Variants in USP34 observed in about 807,000 individuals in gnomAD.
USP34 encodes the protein ubiquitin specific peptidase 34, also known as ubiquitin carboxyl-terminal hydrolase 34.
Under a neutral mutation model 460.3 loss-of-function variants are expected in USP34, and 70 were observed. The ratio of observed to expected loss-of-function variants is 0.15; its 90% CI spans 0.13 to 0.19. USP34 has a LOEUF of 0.19. Among genes scored for constraint, USP34 ranks in the 10% least tolerant of loss-of-function variants. USP34 has a pLI of 1.00. For synonymous variants in USP34, 1,647 were observed against 1,405.3 expected (o/e 1.17, Z -3.85); for missense variants, 3,985 against 4,236.2 (o/e 0.94, Z 1.65).
intron 10 of USP34, among the ~76,000 whole-genome samples, chr2:61,365,875 A>C (rs912809539): frequency 3.9e-5 from 6 of 152,210 alleles, no homozygotes; most frequent in Non-Finnish European, 7.3e-5. Flanking sequence ...CAAATCCACA[A>C]AGAAAATTAA....
At chr2:61,262,114 A>G (rs375432032) in intron 43 of USP34, among the ~76,000 whole-genome samples, 1 of 61,968 alleles carries the variant, frequency 1.6e-5, no homozygotes, top group African/African-American at 7.2e-5. Flanking sequence ...AAAAAAAAAA[A>G]AAATATATAT....
In USP34 at chr2:61,397,645, A is replaced by G. The variant is rs532718262; in HGVS notation, c.553-2412T>C. ...GCTGTGTGCAATGGCTCACGCCTGT[A>G]ATCCCAGCACTTTCAGAGGCCGAGG... On this transcript the variant is annotated intron_variant, in intron 3 of 79. Transcript: ENST00000398571. Among the ~76,000 whole-genome samples the G allele has an allele frequency of 2.7e-3, 405 of 152,330 alleles. 1 individual carries two copies. The highest frequency in any genetic ancestry group is 4.3e-3 in the Non-Finnish European group (292 of 68,036).
intron 67 of USP34, 152 bp from the exon 68 acceptor site, chr2:61,214,846 T>C (rs1490159173): frequency 1.1e-6 from 1 of 915,194 alleles, no homozygotes; most frequent in Non-Finnish European, 1.6e-6. Context: ...TGCTTTCCCC[T>C]TGGCCCCACA....
Position 61,470,850 on chromosome 2 carries a change from A to T in USP34, c.-158T>A. 4.5e-6 allele frequency: 1 copy of T among 222,082 alleles called. No homozygotes were observed. Among genetic ancestry groups the T allele is most frequent in the Non-Finnish European group, 9.1e-6 (1 of 109,642 alleles). 13.8% of individuals were successfully genotyped at this position (222,082 alleles called of 1,614,324 possible). A position where few individuals can be genotyped will look rare whatever the true frequency, so the allele number is the denominator to read the frequency against. On this transcript the variant is annotated 5_prime_UTR_variant, in exon 1 of 80. Coordinates refer to ENST00000398571, the MANE Select transcript of USP34 (RefSeq NM_014709.4). The stretch of plus-strand genomic sequence containing the variant: ...CGGCGGGGACGGGGCGGGGAGCAAG[A>T]GAATGGGGGAGGGGGCCGGCGGTCC...
chr2:61,363,030 T>A (rs917767304), intron 10 of USP34, among the ~76,000 whole-genome samples: 2 of 151,672 alleles, frequency 1.3e-5, no homozygotes, highest in East Asian at 3.9e-4. Flanking sequence ...CAAAACCCAA[T>A]CAAAAATGGG....
chr2:61,442,362 G>A (rs1002249997), intron 1 of USP34, among the ~76,000 whole-genome samples: 1 of 148,676 alleles, frequency 6.7e-6, no homozygotes, highest in African/African-American at 2.5e-5. Flanking sequence ...TCATCTGAGG[G>A]GATTAACATC....
At chr2:61,395,918 T>C (rs1158018886) in intron 3 of USP34, among the ~76,000 whole-genome samples, 1 of 150,780 alleles carries the variant, frequency 6.6e-6, no homozygotes, top group African/African-American at 2.4e-5. Flanking sequence ...ATAAAAAAAT[T>C]GTCAGTGTGG....
At position 61,298,537 on chromosome 2, in the gene USP34, C is replaced by CAAAAAAA. The variant is rs57087400; in HGVS notation, c.4129-1619_4129-1613dup. ...TGGAGGACAGAGTGAGACTCTGTCT[C>CAAAAAAA]AAAAAAAAAAAAAAAAAAAAAAAAA... On this transcript the variant is annotated intron_variant, in intron 29 of 79. Coordinates refer to ENST00000398571, the MANE Select transcript of USP34 (RefSeq NM_014709.4). 6.3e-3 allele frequency among the ~76,000 whole-genome samples: 179 copies of CAAAAAAA among 28,288 alleles called. 20 individuals are homozygous for CAAAAAAA. The highest frequency in any genetic ancestry group is 0.01 in the South Asian group (3 of 294). The allele number at this position is 28,288 out of a possible 152,430, so 18.6% of individuals were successfully genotyped here.
chr2:61,190,180 T>TA (rs1206657706), intron 78 of USP34, 91 bp downstream of exon 78: 24 of 1,489,744 alleles, frequency 1.6e-5, no homozygotes, highest in Non-Finnish European at 2.1e-5. Context: ...ATCAGTAAGT[T>TA]AAAGTTACGA....
intron 12 of USP34, 84 bp from the exon 13 acceptor site, chr2:61,349,369 T>A (rs1007656950): frequency 1.4e-6 from 2 of 1,424,066 alleles, no homozygotes; most frequent in Non-Finnish European, 1.9e-6. Context: ...TCATATTACA[T>A]AATCAACAAG....
At chr2:61,468,248 C>G (rs552654178) in intron 1 of USP34, among the ~76,000 whole-genome samples, 6 of 152,252 alleles carry the variant, frequency 3.9e-5, no homozygotes, top group Admixed American at 1.3e-4. Context: ...TGCAATGGCA[C>G]AATCTCGGCT....
chr2:61,405,827 G>C lies in USP34; in HGVS notation c.433C>G (p.Pro145Ala), dbSNP rs767157179. ...TEEESSKSSD[P>A]FSLWSTDEKE... is the part of the protein sequence containing the mutation. ...TCATCTGTACTCCATAAACTAAAAG[G>C]ATCAGAACTCTTTGAAGATTCCTCC... Residue 145 changes from proline to alanine, a missense_variant, in exon 3 of 80, where the codon CCT becomes GCT. Pro to Ala is a conservative substitution (Grantham distance 27). This residue lies in a region of USP34 where 331 missense variants were observed against 293.7 expected (regional missense o/e 1.13). Coordinates refer to ENST00000398571, the MANE Select transcript of USP34 (RefSeq NM_014709.4). 6.2e-7 allele frequency: 1 copy of C among 1,613,566 alleles called. No individual in the cohort carries two copies. The highest frequency in any genetic ancestry group is 8.5e-7 in the Non-Finnish European group (1 of 1,179,908).
chr2:61,361,772 AG>A (rs1460275750), intron 10 of USP34, among the ~76,000 whole-genome samples: 1 of 152,200 alleles, frequency 6.6e-6, no homozygotes, highest in Non-Finnish European at 1.5e-5. Context: ...TTTTTTTGAC[AG>A]GAACTATTAG....
intron 33 of USP34, among the ~76,000 whole-genome samples, chr2:61,292,863 G>A (rs1185290574): frequency 6.6e-6 from 1 of 151,780 alleles, no homozygotes; most frequent in Admixed American, 6.6e-5. Context: ...TTCAAATCAC[G>A]GTGGTAAAGT....
At chr2:61,367,652 T>C (rs1692481020) in intron 10 of USP34, among the ~76,000 whole-genome samples, 2 of 152,056 alleles carry the variant, frequency 1.3e-5, no homozygotes, top group South Asian at 4.1e-4. Context: ...GTAAAAGAAA[T>C]AGCAACATAA....
At position 61,239,328 on chromosome 2, in the gene USP34, A is replaced by T. The variant is rs893386416; in HGVS notation, c.6777+2232T>A. ...CACACACACACACACACACACACAC[A>T]CACACACACACACACACACACACAG... On this transcript the variant is annotated intron_variant, in intron 53 of 79. Coordinates refer to ENST00000398571, the MANE Select transcript of USP34 (RefSeq NM_014709.4). Among the ~76,000 whole-genome samples, 11 of 151,588 alleles carry T rather than the reference A, an allele frequency of 7.3e-5. No individual in the cohort carries two copies. In the South Asian group the frequency reaches 2.1e-3, roughly 29 times the overall value.
At chr2:61,415,261 G>C (rs1694160630) in intron 2 of USP34, among the ~76,000 whole-genome samples, 1 of 152,094 alleles carries the variant, frequency 6.6e-6, no homozygotes, top group Admixed American at 6.6e-5. Context: ...TTATGACCAG[G>C]GGTGGGGGGA....
chr2:61,208,607 C>G lies in USP34; in HGVS notation c.8919+292G>C, dbSNP rs532909653. ...ATTATGTGTGCCCTTAATGAAATCA[C>G]ATGTATTTCATTTTTGTCCCTACAA... On this transcript the variant is annotated intron_variant, in intron 70 of 79. Transcript: ENST00000398571. The G allele has an allele frequency of 1.6e-5, 3 of 183,718 alleles. No individual in the cohort carries two copies. The South Asian group carries it at 5.7e-4, about 35-fold the overall frequency. 11.4% of individuals were successfully genotyped at this position (183,718 alleles called of 1,614,324 possible). A position where few individuals can be genotyped will look rare whatever the true frequency, so the allele number is the denominator to read the frequency against.
chr2:61,359,697 T>C (rs1040204266), intron 10 of USP34, among the ~76,000 whole-genome samples: 20 of 151,158 alleles, frequency 1.3e-4, no homozygotes, highest in African/African-American at 4.6e-4. Flanking sequence ...TCAACATCCA[T>C]TCATGATAAA....
Sources: allele counts gnomAD v4.1 joint callset (sites outside exome capture counted in the v4.1 genomes callset), GRCh38; gene constraint gnomAD v4.1.1; regional missense constraint gnomAD v4.1.1; transcripts MANE v1.5; gene names NCBI Gene and HGNC (gene_info 2026-07-23, HGNC 2026-07-21).